MDGA2: variants seen among roughly 807,000 people sequenced by gnomAD.
MDGA2 encodes MAM domain-containing glycosylphosphatidylinositol anchor protein 2.
In MDGA2, 40 loss-of-function variants were observed where a neutral mutation model predicts 117.8. The ratio of observed to expected loss-of-function variants is 0.34; its 90% CI spans 0.26 to 0.44. The LOEUF (loss-of-function observed/expected upper bound fraction) is 0.44, where lower values mean the gene tolerates loss of function less well. Among genes scored for constraint, MDGA2 ranks in the 20% least tolerant of loss-of-function variants. The pLI, the probability that MDGA2 is intolerant of heterozygous loss-of-function variation, is 1.00. For synonymous variants in MDGA2, 452 were observed against 439.0 expected (o/e 1.03, Z -0.37); for missense variants, 1,123 against 1,250.6 (o/e 0.90, Z 1.54).
At position 47,097,062 on chromosome 14, in the gene MDGA2, T is replaced by A; in HGVS notation, c.987A>T (p.Ile329=). 1 of 1,613,304 alleles carries A rather than the reference T, an allele frequency of 6.2e-7. No homozygotes were observed. The highest frequency in any genetic ancestry group is 8.5e-7 in the Non-Finnish European group (1 of 1,179,416). Residue 329 remains isoleucine (I), a synonymous_variant, in exon 6 of 17, where the codon ATA becomes ATT. Transcript: ENST00000399232. ...DPIVVNPGEA[I]TLVCVTTGGE... Reference sequence around the variant, plus strand: ...CTCCTGTTGTAACACATACTAATGTTATGGCCTCTCCAGGATTTACAACTA... The same window carrying A: ...CTCCTGTTGTAACACATACTAATGTAATGGCCTCTCCAGGATTTACAACTA...
intron 8 of MDGA2, among the ~76,000 whole-genome samples, chr14:47,013,527 TA>T (rs1325570287): frequency 5.3e-5 from 8 of 151,902 alleles, no homozygotes; most frequent in African/African-American, 1.7e-4. Flanking sequence ...AAACACCTAT[TA>T]ATGTTTATAT....
Position 46,882,235 on chromosome 14 carries a change from A to C in MDGA2, c.2239-14T>G. The stretch of plus-strand genomic sequence containing the variant: ...CTGCTGTCCAGCCTGAAATCAAAAC[A>C]ATAATAGAATAATGTTCCCAGTATG... On this transcript the variant is annotated splice_polypyrimidine_tract_variant and intron_variant, in intron 10 of 16. Transcript: ENST00000399232. 6.3e-7 allele frequency: 1 copy of C among 1,599,896 alleles called. No homozygotes were observed. Among genetic ancestry groups the C allele is most frequent in the South Asian group, 1.1e-5 (1 of 88,526 alleles).
rs149276469 is a variant in MDGA2, at chr14:47,380,194, G to A, written c.281-78644C>T. Among the ~76,000 whole-genome samples the A allele has an allele frequency of 7.6e-4, 116 of 152,132 alleles. 1 individual carries two copies. In the East Asian group the frequency reaches 0.021, roughly 27 times the overall value. ...CAATGAGAACAAAGACACAACATAC[G>A]AGAACCTCTCGGACACATTTAAAGC... On this transcript the variant is annotated intron_variant, in intron 1 of 16. Transcript: ENST00000399232.
chr14:47,322,046 G>GT (rs1320336259), intron 1 of MDGA2, among the ~76,000 whole-genome samples: 1 of 152,000 alleles, frequency 6.6e-6, no homozygotes, highest in African/African-American at 2.4e-5. Context: ...AACTTCAAAC[G>GT]TAAGAGGAAA....
At chr14:46,987,378 T>C (rs890665817) in intron 8 of MDGA2, among the ~76,000 whole-genome samples, 2 of 152,068 alleles carry the variant, frequency 1.3e-5, no homozygotes, top group Non-Finnish European at 2.9e-5. Flanking sequence ...GACACAAAAA[T>C]GTCTAATGTA....
chr14:47,295,927 TGATAAGATA>T lies in MDGA2; in HGVS notation c.420+5475_420+5483del, dbSNP rs763649242. On this transcript the variant is annotated intron_variant, in intron 2 of 16. Transcript: ENST00000399232. ...CTAAAAATATACATATATAGATAGA[TGATAAGATA>T]GATAGATAGATAGATAGATAGATAG... 5.2e-3 allele frequency among the ~76,000 whole-genome samples: 706 copies of T among 135,320 alleles called. 4 individuals are homozygous for T. Among genetic ancestry groups the T allele is most frequent in the African/African-American group, 0.013 (487 of 37,072 alleles). 88.8% of individuals were successfully genotyped at this position (135,320 alleles called of 152,430 possible). A position where few individuals can be genotyped will look rare whatever the true frequency, so the allele number is the denominator to read the frequency against.
At chr14:47,029,934 TCTC>T (rs749647769) in intron 8 of MDGA2, among the ~76,000 whole-genome samples, 208 of 151,968 alleles carry the variant, frequency 1.4e-3, no homozygotes, top group Non-Finnish European at 9.3e-4. Context: ...TTCAAGCAAT[TCTC>T]CTGACTCAGC....
chr14:46,923,823 C>T (rs1409868265), intron 9 of MDGA2, among the ~76,000 whole-genome samples: 1 of 151,890 alleles, frequency 6.6e-6, no homozygotes, highest in East Asian at 1.9e-4. Flanking sequence ...ACAGTAAAAC[C>T]AAAGAAATAT....
At chr14:47,467,458 C>A (rs1416460395) in intron 1 of MDGA2, among the ~76,000 whole-genome samples, 1 of 152,092 alleles carries the variant, frequency 6.6e-6, no homozygotes, top group Non-Finnish European at 1.5e-5. Context: ...AGACTGTCAC[C>A]TTTCACCCTC....
At chr14:47,372,133 T>C (rs897975047) in intron 1 of MDGA2, among the ~76,000 whole-genome samples, 3 of 151,826 alleles carry the variant, frequency 2.0e-5, no homozygotes, top group African/African-American at 7.2e-5. Flanking sequence ...TAGTATTAGT[T>C]GAAATGCACT....
At chr14:47,086,353 T>A (rs1056292850) in intron 6 of MDGA2, among the ~76,000 whole-genome samples, 1 of 152,062 alleles carries the variant, frequency 6.6e-6, no homozygotes, top group African/African-American at 2.4e-5. Flanking sequence ...TTTGATTACA[T>A]CTATTTAGAA....
intron 1 of MDGA2, among the ~76,000 whole-genome samples, chr14:47,371,121 T>G (rs1413847361): frequency 6.6e-6 from 1 of 151,916 alleles, no homozygotes; most frequent in Non-Finnish European, 1.5e-5. Flanking sequence ...AAATGATACT[T>G]TTATTTTTCT....
At chr14:46,898,349 A>G (rs1883160066) in intron 10 of MDGA2, among the ~76,000 whole-genome samples, 1 of 152,200 alleles carries the variant, frequency 6.6e-6, no homozygotes, top group Admixed American at 6.5e-5. Context: ...TAAAATTGGT[A>G]GAAATTATTG....
intron 3 of MDGA2, among the ~76,000 whole-genome samples, chr14:47,159,450 A>G (rs1246339741): frequency 2.6e-5 from 4 of 152,206 alleles, no homozygotes; most frequent in African/African-American, 9.7e-5. Flanking sequence ...AATTTAGTCA[A>G]TCATTCCCAT....
At chr14:47,559,850 G>C (rs569160888) in intron 1 of MDGA2, among the ~76,000 whole-genome samples, 14 of 152,208 alleles carry the variant, frequency 9.2e-5, no homozygotes, top group Admixed American at 9.2e-4. Context: ...TGGGATTACA[G>C]GCATGAGCCA....
At chr14:46,975,924 C>T (rs1046977666) in intron 8 of MDGA2, among the ~76,000 whole-genome samples, 8 of 152,132 alleles carry the variant, frequency 5.3e-5, no homozygotes, top group African/African-American at 1.4e-4. Context: ...GGCACTAATC[C>T]GATTCTTTAC....
chr14:46,921,025 A>T (rs1884107056), intron 9 of MDGA2, among the ~76,000 whole-genome samples: 1 of 152,206 alleles, frequency 6.6e-6, no homozygotes, highest in South Asian at 2.1e-4. Flanking sequence ...TTTACACACC[A>T]TTTGGAATTA....
intron 9 of MDGA2, among the ~76,000 whole-genome samples, chr14:46,928,859 T>C (rs2138537827): frequency 6.6e-6 from 1 of 152,334 alleles, no homozygotes; most frequent in South Asian, 2.1e-4. Context: ...GTAAGAATTC[T>C]GGAAAATGTT....
chr14:47,112,493 C>A (rs1256370891), intron 5 of MDGA2, among the ~76,000 whole-genome samples: 1 of 152,080 alleles, frequency 6.6e-6, no homozygotes, highest in African/African-American at 2.4e-5. Flanking sequence ...TAAGAACATG[C>A]AGTATTTGGT....
Sources: allele counts gnomAD v4.1 joint callset (sites outside exome capture counted in the v4.1 genomes callset), GRCh38; gene constraint gnomAD v4.1.1; transcripts MANE v1.5; gene names NCBI Gene and HGNC (gene_info 2026-07-23, HGNC 2026-07-21).